Variants in COL25A1 observed in about 807,000 individuals in gnomAD.
The protein encoded by COL25A1 is collagen type XXV alpha 1 chain.
In COL25A1, 103 loss-of-function variants were observed where a neutral mutation model predicts 128.4. That is an observed-to-expected ratio of 0.80 (90% confidence interval 0.68 to 0.94). The LOEUF (loss-of-function observed/expected upper bound fraction) is 0.94. Among genes scored for constraint, COL25A1 ranks in the 40% least tolerant of loss-of-function variants. The pLI, the probability that COL25A1 is intolerant of heterozygous loss-of-function variation, is 0.00. For missense variants in COL25A1, 745 were observed against 840.0 expected (o/e 0.89, Z 1.40); for synonymous variants, 279 against 277.2 (o/e 1.01, Z -0.06).
intron 11 of COL25A1, among the ~76,000 whole-genome samples, chr4:108,935,622 T>C (rs185283907): frequency 1.6e-4 from 24 of 152,154 alleles, no homozygotes; most frequent in Admixed American, 1.2e-3. Flanking sequence ...CAAGAAAAGT[T>C]TGTAGAAAAA....
At chr4:109,284,195 C>A (rs1287379886) in intron 3 of COL25A1, among the ~76,000 whole-genome samples, 1 of 152,174 alleles carries the variant, frequency 6.6e-6, no homozygotes, top group Non-Finnish European at 1.5e-5. Flanking sequence ...GAGGCCGAGG[C>A]AGGCAGATCA....
chr4:109,208,835 G>A (rs1777253334), intron 3 of COL25A1, among the ~76,000 whole-genome samples: 2 of 152,154 alleles, frequency 1.3e-5, no homozygotes, highest in African/African-American at 4.8e-5. Flanking sequence ...GTGCCCTGAA[G>A]AGGATCATTC....
intron 3 of COL25A1, among the ~76,000 whole-genome samples, chr4:109,063,868 G>A (rs1579248908): frequency 1.3e-5 from 2 of 152,198 alleles, no homozygotes; most frequent in East Asian, 3.8e-4. Flanking sequence ...AGATAGAGTA[G>A]TAAGATAATG....
intron 3 of COL25A1, among the ~76,000 whole-genome samples, chr4:109,173,168 C>T (rs143641173): frequency 6.6e-6 from 1 of 152,192 alleles, no homozygotes; most frequent in East Asian, 1.9e-4. Flanking sequence ...TCACTGCAAC[C>T]TTGAACTCCT....
chr4:108,934,427 A>C (rs955233188), intron 11 of COL25A1, among the ~76,000 whole-genome samples: 1 of 152,184 alleles, frequency 6.6e-6, no homozygotes, highest in Non-Finnish European at 1.5e-5. Flanking sequence ...TGGCACATGT[A>C]TACCTATGTA....
chr4:109,086,130 T>C (rs1764348357), intron 3 of COL25A1, among the ~76,000 whole-genome samples: 1 of 152,216 alleles, frequency 6.6e-6, no homozygotes, highest in Admixed American at 6.5e-5. Context: ...TAGAAGAAAT[T>C]CAGTTCCTGC....
intron 3 of COL25A1, among the ~76,000 whole-genome samples, chr4:109,295,277 GCAT>G (rs1458515161): frequency 6.6e-6 from 1 of 151,996 alleles, no homozygotes; most frequent in African/African-American, 2.4e-5. Context: ...GGGTGACTGG[GCAT>G]TTTTACCAGC....
At chr4:108,970,161 C>T (rs998560915) in intron 8 of COL25A1, among the ~76,000 whole-genome samples, 1 of 152,166 alleles carries the variant, frequency 6.6e-6, no homozygotes, top group Admixed American at 6.5e-5. Context: ...CTCAGCCTCC[C>T]AAAGTGCTGT....
At chr4:108,974,237 G>A in intron 8 of COL25A1, 130 bp downstream of exon 8, 1 of 847,060 alleles carries the variant, frequency 1.2e-6, no homozygotes, top group Non-Finnish European at 1.9e-6. Context: ...CTTACAAGTG[G>A]TATGGTATTT....
intron 6 of COL25A1, among the ~76,000 whole-genome samples, chr4:109,008,917 T>C (rs1336130468): frequency 6.6e-6 from 1 of 151,996 alleles, no homozygotes; most frequent in Non-Finnish European, 1.5e-5. Context: ...GGAGTGGAGT[T>C]CAAGACCAGC....
intron 3 of COL25A1, among the ~76,000 whole-genome samples, chr4:109,093,470 A>C (rs1038518962): frequency 1.3e-5 from 2 of 151,576 alleles, no homozygotes; most frequent in Non-Finnish European, 2.9e-5. Context: ...AAAAAAAAAA[A>C]AAAAAACCTT....
chr4:109,171,106 C>G (rs1333866866), intron 3 of COL25A1, among the ~76,000 whole-genome samples: 1 of 151,982 alleles, frequency 6.6e-6, no homozygotes, highest in African/African-American at 2.4e-5. Flanking sequence ...TGAATCCTAG[C>G]CCTTCTATCC....
At chr4:108,883,413 C>A (rs1211641375) in intron 19 of COL25A1, among the ~76,000 whole-genome samples, 2 of 152,050 alleles carry the variant, frequency 1.3e-5, no homozygotes, top group African/African-American at 4.8e-5. Context: ...AATGTATTTG[C>A]ATTATGTTAA....
At chr4:109,138,488 T>A (rs1009221259) in intron 3 of COL25A1, among the ~76,000 whole-genome samples, 2 of 152,210 alleles carry the variant, frequency 1.3e-5, no homozygotes, top group African/African-American at 4.8e-5. Flanking sequence ...TAATAATCCT[T>A]TGGGTATATA....
intron 8 of COL25A1, among the ~76,000 whole-genome samples, chr4:108,965,684 AC>A (rs1306704307): frequency 1.3e-5 from 2 of 152,190 alleles, no homozygotes; most frequent in African/African-American, 4.8e-5. Context: ...AACTGGGCAA[AC>A]AAAAAGCCCT....
chr4:109,109,780 A>G (rs2126036526), intron 3 of COL25A1, among the ~76,000 whole-genome samples: 2 of 152,302 alleles, frequency 1.3e-5, no homozygotes, highest in Middle Eastern at 6.8e-3. Flanking sequence ...CCTAATGTCT[A>G]CATCCACATG....
chr4:108,975,834 T>G (rs1348120066), intron 6 of COL25A1, among the ~76,000 whole-genome samples: 1 of 152,180 alleles, frequency 6.6e-6, no homozygotes, highest in Non-Finnish European at 1.5e-5. Context: ...TCATACCTTT[T>G]GTCCTTGGCC....
At chr4:109,073,169 G>A (rs1763117883) in intron 3 of COL25A1, among the ~76,000 whole-genome samples, 1 of 152,114 alleles carries the variant, frequency 6.6e-6, no homozygotes, top group Admixed American at 6.6e-5. Flanking sequence ...CATGTGCATG[G>A]GTGTTTGGTG....
intron 13 of COL25A1, among the ~76,000 whole-genome samples, chr4:108,907,605 A>G (rs1325408612): frequency 6.6e-6 from 1 of 152,224 alleles, no homozygotes; most frequent in Non-Finnish European, 1.5e-5. Context: ...CATTCTTAAC[A>G]GAGGAAGAAA....
Sources: allele counts gnomAD v4.1 joint callset (sites outside exome capture counted in the v4.1 genomes callset), GRCh38; gene constraint gnomAD v4.1.1; transcripts MANE v1.5; gene names NCBI Gene and HGNC (gene_info 2026-07-23, HGNC 2026-07-21).